The following ZBBX variants were observed in gnomAD, a reference collection of about 807,000 sequenced individuals.
ZBBX encodes the protein zinc finger B-box domain-containing protein 1.
ZBBX carries 101 observed loss-of-function variants against 108.5 expected under a neutral mutation model. That is an observed-to-expected ratio of 0.93 (90% CI 0.79 to 1.10). The LOEUF (loss-of-function observed/expected upper bound fraction) is 1.10, where lower values mean the gene tolerates loss of function less well. ZBBX is among the 50% of genes least tolerant of loss of function. The pLI is 0.00. For missense variants in ZBBX, 1,009 were observed against 941.4 expected (o/e 1.07, Z -0.94); for synonymous variants, 356 against 323.4 (o/e 1.10, Z -1.08).
chr3:167,264,493 A>G (rs1725141162), intron 20 of ZBBX, among the ~76,000 whole-genome samples: 1 of 152,236 alleles, frequency 6.6e-6, no homozygotes, highest in Non-Finnish European at 1.5e-5. Flanking sequence ...CATGAAAACT[A>G]ATAAAAACTC....
intron 20 of ZBBX, among the ~76,000 whole-genome samples, chr3:167,276,348 A>T: frequency 6.6e-6 from 1 of 151,644 alleles, no homozygotes; most frequent in East Asian, 1.9e-4. Context: ...TTTGAAAAAA[A>T]TTTAGAAGAA....
At chr3:167,323,796 G>T (rs1331060707) in intron 11 of ZBBX, among the ~76,000 whole-genome samples, 1 of 152,086 alleles carries the variant, frequency 6.6e-6, no homozygotes, top group Non-Finnish European at 1.5e-5. Context: ...GAAGTCAAGA[G>T]TGGCTGAAAC....
chr3:167,340,066 C>T (rs1740282421), intron 9 of ZBBX, among the ~76,000 whole-genome samples: 1 of 152,048 alleles, frequency 6.6e-6, no homozygotes, highest in Non-Finnish European at 1.5e-5. Flanking sequence ...TAGAAGTCAT[C>T]AAAACATTTG....
chr3:167,298,438 GC>G lies in ZBBX; in HGVS notation c.1745del (p.Cys582SerfsTer6). The G allele has an allele frequency of 6.6e-7, 1 of 1,507,770 alleles. No homozygotes were observed. The highest frequency in any genetic ancestry group is 2.0e-5 in the Admixed American group (1 of 50,690). The allele number at this position is 1,507,770 out of a possible 1,614,324, so 93.4% of individuals were successfully genotyped here. On this transcript the variant is annotated frameshift_variant, in exon 18 of 22. Transcript: ENST00000675490. LOFTEE classifies it high-confidence loss of function. ...ATTGTTTTGTTATAGGCTTACTTCT[GC>G]AGGCTATTTCTTGTAACAACTAAGA... ...KSSLLLQEIA[C>X]RSKPITKQYQ...
upstream of ZBBX, among the ~76,000 whole-genome samples, chr3:167,383,625 C>A (rs922137751): frequency 6.6e-6 from 1 of 151,940 alleles, no homozygotes; most frequent in African/African-American, 2.4e-5. Flanking sequence ...TAACACAAGG[C>A]AATTATTACT....
At chr3:167,332,745 T>C (rs1410158539) in intron 10 of ZBBX, among the ~76,000 whole-genome samples, 1 of 152,176 alleles carries the variant, frequency 6.6e-6, no homozygotes, top group African/African-American at 2.4e-5. Flanking sequence ...AAGAAGAAAC[T>C]TTTAAAACCA....
At chr3:167,386,834 C>T (rs574058618) in intron 1 of ZBBX, among the ~76,000 whole-genome samples, 4 of 152,124 alleles carry the variant, frequency 2.6e-5, no homozygotes, top group Admixed American at 2.6e-4. Context: ...TTGCATTTTT[C>T]TCTTATGCAC....
At chr3:167,380,907 G>C (rs964240625), upstream of ZBBX, among the ~76,000 whole-genome samples, 1 of 93,522 alleles carries the variant, frequency 1.1e-5, no homozygotes, top group Non-Finnish European at 2.4e-5. Context: ...CACACACACA[G>C]TTAACCCACA....
chr3:167,261,531 G>T (rs1427000116), intron 20 of ZBBX, among the ~76,000 whole-genome samples: 1 of 151,464 alleles, frequency 6.6e-6, no homozygotes, highest in East Asian at 1.9e-4. Flanking sequence ...TGGGAGTGAG[G>T]GTCTGAGTTC....
At chr3:167,208,013 TAC>T in the ZBBX span, among the ~76,000 whole-genome samples, 96 of 151,412 alleles carry the variant, frequency 6.3e-4, no homozygotes, top group East Asian at 0.015. Context: ...GGAGGGAGAG[TAC>T]AGTGATTGTG....
At chr3:167,240,980 AT>A in intron 21 of ZBBX, 61 bp from the exon 22 acceptor site, 1 of 1,579,546 alleles carries the variant, frequency 6.3e-7, no homozygotes, top group Non-Finnish European at 8.6e-7. Flanking sequence ...CTCTTCATTT[AT>A]CTTCTGATCA....
chr3:167,311,451 A>C (rs1734576420), intron 16 of ZBBX, among the ~76,000 whole-genome samples: 1 of 152,156 alleles, frequency 6.6e-6, no homozygotes, highest in Non-Finnish European at 1.5e-5. Flanking sequence ...AACTTTATTA[A>C]AATAAAAGCT....
chr3:167,269,621 G>A (rs139980227), intron 20 of ZBBX, among the ~76,000 whole-genome samples: 56 of 152,294 alleles, frequency 3.7e-4, no homozygotes, highest in African/African-American at 1.3e-3. Flanking sequence ...CAGAAGGACA[G>A]ATAGGGTTAA....
chr3:167,191,611 G>T, the ZBBX span, among the ~76,000 whole-genome samples: 28,051 of 151,926 alleles, frequency 0.18, 3,038 homozygotes, highest in Non-Finnish European at 0.25. Context: ...CGTAAGATGT[G>T]ACTTGCTCTT....
the ZBBX span, among the ~76,000 whole-genome samples, chr3:167,191,932 T>TAGAGAGAGAGAGAGAGAGAGAGAG: frequency 7.8e-5 from 10 of 128,032 alleles, no homozygotes; most frequent in African/African-American, 3.2e-4. Flanking sequence ...TATATATATA[T>TAGAGAGAGAGAGAGAGAGAGAGAG]ATAGAGCAAG....
Position 167,257,504 on chromosome 3 carries a change from A to G in ZBBX, c.2255-14861T>C, listed in dbSNP as rs372980663. Reference sequence around the variant, plus strand: ...GCAAACTTTTAGGTTCTCCCTATTCAGTTTAATACTAGCTGTGGGTCTATC... The same window carrying G: ...GCAAACTTTTAGGTTCTCCCTATTCGGTTTAATACTAGCTGTGGGTCTATC... On this transcript the variant is annotated intron_variant, in intron 20 of 21. Coordinates refer to ENST00000675490, the MANE Select transcript of ZBBX (RefSeq NM_001199201.2). Among the ~76,000 whole-genome samples, 7 of 152,248 alleles carry G rather than the reference A, an allele frequency of 4.6e-5. No individual in the cohort carries two copies. The South Asian group carries it at 8.3e-4, about 18-fold the overall frequency.
intron 1 of ZBBX, among the ~76,000 whole-genome samples, chr3:167,394,915 T>C (rs1258724448): frequency 6.6e-6 from 1 of 151,996 alleles, no homozygotes; most frequent in Non-Finnish European, 1.5e-5. Flanking sequence ...AGCACCACCC[T>C]GATGGAAGGA....
At chr3:167,299,085 A>C (rs1283735374) in intron 17 of ZBBX, among the ~76,000 whole-genome samples, 1 of 152,030 alleles carries the variant, frequency 6.6e-6, no homozygotes, top group African/African-American at 2.4e-5. Context: ...ACATGTTCTT[A>C]TTCTAGGATT....
At chr3:167,370,505 T>TA (rs1171622569) in intron 4 of ZBBX, among the ~76,000 whole-genome samples, 3 of 152,218 alleles carry the variant, frequency 2.0e-5, no homozygotes, top group East Asian at 3.9e-4. Flanking sequence ...GGAGAAGAGT[T>TA]AAAAAAACAA....
Sources: allele counts gnomAD v4.1 joint callset (sites outside exome capture counted in the v4.1 genomes callset), GRCh38; gene constraint gnomAD v4.1.1; transcripts MANE v1.5; gene names NCBI Gene and HGNC (gene_info 2026-07-23, HGNC 2026-07-21).